The following CHL1 variants were observed in gnomAD, a reference collection of about 807,000 sequenced individuals.
The protein encoded by CHL1 is neural cell adhesion molecule L1-like protein.
Under a neutral mutation model 141.9 loss-of-function variants are expected in CHL1, and 96 were observed. The ratio of observed to expected loss-of-function variants is 0.68; its 90% CI spans 0.57 to 0.80. The LOEUF (loss-of-function observed/expected upper bound fraction) is 0.80. Ranked by LOEUF, CHL1 falls within the 30% of genes least tolerant of loss-of-function variation. CHL1 has a pLI of 0.00. For synonymous variants in CHL1, 613 were observed against 502.2 expected (o/e 1.22, Z -2.95); for missense variants, 1,820 against 1,457.2 (o/e 1.25, Z -4.05).
chr3:323,806 A>T (rs1700785109), intron 3 of CHL1, among the ~76,000 whole-genome samples: 1 of 152,144 alleles, frequency 6.6e-6, no homozygotes, highest in African/African-American at 2.4e-5. Context: ...TCTAGGCTGC[A>T]GTGAGCAATG....
rs377111536 is a variant in CHL1 at position 390,690 on chromosome 3, A to G, written c.2471-11A>G. Reference sequence around the variant, plus strand: ...GTTATTGAAAACTAATCAATCTTCTATGATTAACAGATCCTGATACAGCTC... The same window carrying G: ...GTTATTGAAAACTAATCAATCTTCTGTGATTAACAGATCCTGATACAGCTC... On this transcript the variant is annotated splice_polypyrimidine_tract_variant and intron_variant, in intron 20 of 27. Transcript: ENST00000256509. 9.7e-6 allele frequency: 14 copies of G among 1,446,524 alleles called. No homozygotes were observed. The Middle Eastern group carries it at 5.2e-4, about 54-fold the overall frequency. The allele number at this position is 1,446,524 out of a possible 1,614,324, so 89.6% of individuals were successfully genotyped here.
intron 3 of CHL1, among the ~76,000 whole-genome samples, chr3:322,491 G>A (rs1559252279): frequency 2.0e-5 from 3 of 150,874 alleles, no homozygotes; most frequent in Admixed American, 6.6e-5. Flanking sequence ...TTTTCACTGC[G>A]TTGTCATTTG....
At chr3:342,205 G>A in intron 7 of CHL1, 123 bp downstream of exon 7, 1 of 738,990 alleles carries the variant, frequency 1.4e-6, no homozygotes, top group South Asian at 2.5e-5. Flanking sequence ...GTTCAACTCT[G>A]GAGACTTCTT....
intron 1 of CHL1, among the ~76,000 whole-genome samples, chr3:243,796 T>A (rs1451435925): frequency 6.6e-6 from 1 of 152,222 alleles, no homozygotes; most frequent in Non-Finnish European, 1.5e-5. Context: ...CAGAATGAGT[T>A]AGAATTATTA....
intron 2 of CHL1, chr3:248,021 C>G (rs1167822219): frequency 2.6e-5 from 4 of 152,000 alleles, no homozygotes; most frequent in Admixed American, 2.6e-4. Flanking sequence ...TATTTATGGG[C>G]TGTTATGTTC....
At chr3:209,300 C>T (rs537188319) in intron 1 of CHL1, among the ~76,000 whole-genome samples, 72 of 152,280 alleles carry the variant, frequency 4.7e-4, no homozygotes, top group African/African-American at 1.6e-3. Flanking sequence ...GGAAATTTTG[C>T]AAATTCATTC....
chr3:401,710 G>T lies in CHL1; in HGVS notation c.3458+12G>T. 6.8e-7 allele frequency: 1 copy of T among 1,481,398 alleles called. No individual in the cohort carries two copies. Among genetic ancestry groups the T allele is most frequent in the Admixed American group, 2.1e-5 (1 of 47,676 alleles). The allele number at this position is 1,481,398 out of a possible 1,614,324, so 91.8% of individuals were successfully genotyped here. ...TTTGGTGAATACAGGTAAACATAAG[G>T]TTCTGTTGTAAAATAAAACACATAT... On this transcript the variant is annotated intron_variant, in intron 27 of 27. Coordinates refer to ENST00000256509, the MANE Select transcript of CHL1 (RefSeq NM_006614.4).
chr3:312,368 A>G (rs1477149853), intron 2 of CHL1, among the ~76,000 whole-genome samples: 1 of 152,198 alleles, frequency 6.6e-6, no homozygotes, highest in Non-Finnish European at 1.5e-5. Context: ...GGATATGGCT[A>G]TAATGCACAG....
At chr3:364,744 CA>C (rs1383309001) in intron 14 of CHL1, among the ~76,000 whole-genome samples, 1 of 152,088 alleles carries the variant, frequency 6.6e-6, no homozygotes, top group African/African-American at 2.4e-5. Context: ...GATTTGGGTT[CA>C]AATCCTGGTT....
At chr3:339,962 A>AT (rs1474951952) in intron 5 of CHL1, among the ~76,000 whole-genome samples, 1 of 152,152 alleles carries the variant, frequency 6.6e-6, no homozygotes, top group East Asian at 1.9e-4. Flanking sequence ...TATAATGCAA[A>AT]TTCCCCCACC....
intron 1 of CHL1, among the ~76,000 whole-genome samples, chr3:220,168 G>C (rs540117656): frequency 2.0e-5 from 3 of 152,286 alleles, no homozygotes; most frequent in South Asian, 2.1e-4. Flanking sequence ...GGTGGTTGAC[G>C]ACTGACATGA....
chr3:318,659 C>T (rs1178917727), intron 2 of CHL1, among the ~76,000 whole-genome samples: 1 of 151,186 alleles, frequency 6.6e-6, no homozygotes. Flanking sequence ...CCTTTGTCTT[C>T]TGCTTGAACC....
chr3:204,086 T>C (rs1318336052), intron 1 of CHL1, among the ~76,000 whole-genome samples: 8 of 152,244 alleles, frequency 5.3e-5, no homozygotes, highest in Non-Finnish European at 1.2e-4. Context: ...TCATATTCAG[T>C]GGTGTGTTTC....
At chr3:239,631 T>C (rs1692361297) in intron 1 of CHL1, among the ~76,000 whole-genome samples, 1 of 150,620 alleles carries the variant, frequency 6.6e-6, no homozygotes, top group Admixed American at 6.6e-5. Flanking sequence ...TTTCATAGGC[T>C]TTTGGGAAAC....
rs1357588112 is a variant in CHL1, at chr3:252,548, GGTTA to G, written c.-95+7858_-95+7861del. Among the ~76,000 whole-genome samples, 7 of 151,132 alleles carry G rather than the reference GGTTA, an allele frequency of 4.6e-5. No homozygotes were observed. In the South Asian group the frequency reaches 8.4e-4, roughly 18 times the overall value. ...CAGGTGCTATTGTCCTTACGTTATA[GGTTA>G]GAAAACTGGGCCATTGATTTATTCA... On this transcript the variant is annotated intron_variant, in intron 2 of 27. Coordinates refer to ENST00000256509, the MANE Select transcript of CHL1 (RefSeq NM_006614.4).
chr3:356,037 G>GC (rs914071762), intron 11 of CHL1, among the ~76,000 whole-genome samples: 7 of 152,172 alleles, frequency 4.6e-5, no homozygotes, highest in South Asian at 4.1e-4. Flanking sequence ...CACAAAAACA[G>GC]CCCCCCGTAA....
intron 11 of CHL1, among the ~76,000 whole-genome samples, chr3:358,404 T>G (rs1703909168): frequency 6.6e-6 from 1 of 152,182 alleles, no homozygotes; most frequent in Non-Finnish European, 1.5e-5. Context: ...GTCATCCAGA[T>G]GTAGGAAATA....
rs186772137 is a variant in CHL1 at position 261,722 on chromosome 3, C to A, written c.-95+17030C>A. ...GAAACATAAGCCACAGACTTAACAACCAGCTCTCAAAATCCTCTCCTCAGT... is the reference window on the plus strand; with the variant it reads ...GAAACATAAGCCACAGACTTAACAAACAGCTCTCAAAATCCTCTCCTCAGT... On this transcript the variant is annotated intron_variant, in intron 2 of 27. Transcript: ENST00000256509. Among the ~76,000 whole-genome samples the A allele has an allele frequency of 3.9e-5, 6 of 152,084 alleles. No homozygotes were observed. In the East Asian group the frequency reaches 1.2e-3, roughly 29 times the overall value.
Position 361,682 on chromosome 3 carries a change from A to G in CHL1, c.1307-17A>G, listed in dbSNP as rs769076761. Reference sequence around the variant, plus strand: ...TCCACAAAAGTTTAAAACTGCGTTTATGTTATTTTCAAATAGATGTCCGTC... The same window carrying G: ...TCCACAAAAGTTTAAAACTGCGTTTGTGTTATTTTCAAATAGATGTCCGTC... On this transcript the variant is annotated splice_polypyrimidine_tract_variant and intron_variant, in intron 12 of 27. Coordinates refer to ENST00000256509, the MANE Select transcript of CHL1 (RefSeq NM_006614.4). The G allele has an allele frequency of 6.4e-7, 1 of 1,564,064 alleles. No homozygotes were observed. Among genetic ancestry groups the G allele is most frequent in the Non-Finnish European group, 8.8e-7 (1 of 1,134,952 alleles).
Sources: gnomAD v4.1 joint callset for allele counts (sites outside exome capture counted in the v4.1 genomes callset) on GRCh38, gnomAD v4.1.1 for gene constraint, MANE v1.5 for transcripts, NCBI Gene and HGNC (gene_info 2026-07-23, HGNC 2026-07-21) for gene names.